MARF1: variants seen among roughly 807,000 people sequenced by gnomAD.
MARF1 encodes the protein meiosis regulator and mRNA stability factor 1.
A neutral mutation model predicts 168.2 loss-of-function variants in MARF1; 24 were observed. That is an observed-to-expected ratio of 0.14 (90% CI 0.10 to 0.20). MARF1 has a LOEUF of 0.20. MARF1 is among the 10% of genes least tolerant of loss of function. The probability of loss-of-function intolerance (pLI) is 1.00; values close to 1 mark genes in which losing one functional copy is unlikely to be tolerated. For missense variants in MARF1, 1,744 were observed against 2,143.6 expected (o/e 0.81, Z 3.68); for synonymous variants, 868 against 822.4 (o/e 1.06, Z -0.95).
In MARF1 at chr16:15,623,182, T is replaced by C. The variant is rs1266386095; in HGVS notation, c.2271-59A>G. The C allele has an allele frequency of 5.2e-6, 7 of 1,334,402 alleles. No individual in the cohort carries two copies. The African/African-American group carries it at 1.0e-4, about 20-fold the overall frequency. 82.7% of individuals were successfully genotyped at this position (1,334,402 alleles called of 1,614,324 possible). ...AAAACTGTTCTGTATATTTAGATTT[T>C]ATCATTTAGGCTTTGTTTGAAACTA... is the stretch of plus-strand genomic sequence containing the variant. On this transcript the variant is annotated intron_variant, in intron 10 of 26. Transcript: ENST00000396368.
Position 15,599,166 on chromosome 16 carries a change from A to AAC in MARF1, c.4814-143_4814-142insGT, listed in dbSNP as rs1163632693. The AAC allele has an allele frequency of 6.3e-6, 5 of 799,144 alleles. No individual in the cohort carries two copies. The African/African-American group carries it at 9.0e-5, about 14-fold the overall frequency. 49.5% of individuals were successfully genotyped at this position (799,144 alleles called of 1,614,324 possible). A position where few individuals can be genotyped will look rare whatever the true frequency, so the allele number is the denominator to read the frequency against. The stretch of plus-strand genomic sequence containing the variant: ...GTATTTAAGGTATTAAAAAAAAAAA[A>AAC]AAAAAAAAACAAAAACCCAAAACCC... On this transcript the variant is annotated intron_variant, in intron 25 of 26. Transcript: ENST00000396368.
At chr16:15,623,184 T>C (rs1296926904) in intron 10 of MARF1, 61 bp from the exon 11 acceptor site, 5 of 1,310,922 alleles carry the variant, frequency 3.8e-6, no homozygotes, top group Non-Finnish European at 5.1e-6. Context: ...TTAGATTTTA[T>C]CATTTAGGCT....
rs910971035 is a variant in MARF1 at position 15,604,318 on chromosome 16, T to C, written c.4263A>G (p.Val1421=). 29 of 1,613,934 alleles carry C rather than the reference T, an allele frequency of 1.8e-5. No individual in the cohort carries two copies. The highest frequency in any genetic ancestry group is 2.3e-5 in the Non-Finnish European group (27 of 1,179,972). The change falls in exon 22 of 27, where the codon GTA becomes GTG. Residue 1421 remains valine, a synonymous_variant. Transcript: ENST00000396368. ...SLRSLTAQLL[V]LLMSWEGTTH... ...TGGTTCCTTCCCAAGACATCAACAA[T>C]ACCAGCAACTGGGCAGTGAGAGATC...
chr16:15,602,020 C>A lies in MARF1; in HGVS notation c.4597G>T (p.Val1533Leu). The A allele has an allele frequency of 1.2e-6, 2 of 1,614,076 alleles. No homozygotes were observed. Among genetic ancestry groups the A allele is most frequent in the East Asian group, 4.5e-5 (2 of 44,882 alleles). ...LQPKTYGHSS[V>L]EELLGAIPQV... ...GGAATTGCTCCCAAGAGCTCCTCCA[C>A]GCTGCTGTGGCCGTAGGTCTTGGGC... Residue 1533 changes from valine to leucine, a missense_variant, in exon 23 of 27, where the codon GTG (valine) becomes TTG (leucine). This residue lies in a region of MARF1 where 313 missense variants were observed against 337.4 expected (regional missense o/e 0.93). Coordinates refer to ENST00000396368, the MANE Select transcript of MARF1 (RefSeq NM_014647.4).
chr16:15,616,092 T>A, intron 15 of MARF1, 87 bp from the exon 16 acceptor site: 1 of 1,123,800 alleles, frequency 8.9e-7, no homozygotes, highest in Non-Finnish European at 1.2e-6. Flanking sequence ...GGCTTTGGTT[T>A]AATGTATGTG....
At chr16:15,614,033 TCAGA>T (rs1458383158) in intron 16 of MARF1, among the ~76,000 whole-genome samples, 1 of 152,180 alleles carries the variant, frequency 6.6e-6, no homozygotes, top group Non-Finnish European at 1.5e-5. Context: ...TGCCCGTAAC[TCAGA>T]CACTCACCCA....
At chr16:15,635,491 CTTTG>C (rs754421591) in intron 3 of MARF1, 161 bp downstream of exon 3, 11 of 626,604 alleles carry the variant, frequency 1.8e-5, no homozygotes, top group East Asian at 2.8e-5. Context: ...CCATCTTACC[CTTTG>C]TTTCTTTCAG....
At chr16:15,613,448 G>C (rs2033751828) in intron 16 of MARF1, among the ~76,000 whole-genome samples, 1 of 151,838 alleles carries the variant, frequency 6.6e-6, no homozygotes, top group South Asian at 2.1e-4. Context: ...AGGAGATCGA[G>C]ACCATCCTGG....
intron 16 of MARF1, among the ~76,000 whole-genome samples, chr16:15,615,247 G>A (rs758859345): frequency 3.3e-5 from 5 of 152,124 alleles, no homozygotes; most frequent in Non-Finnish European, 5.9e-5. Context: ...TGTAATCCCA[G>A]CATTTTGGGA....
At chr16:15,629,364 A>G (rs1476649497) in intron 7 of MARF1, among the ~76,000 whole-genome samples, 1 of 152,156 alleles carries the variant, frequency 6.6e-6, no homozygotes, top group African/African-American at 2.4e-5. Flanking sequence ...CTTAAGCCAG[A>G]CCGCAGGGGG....
intron 14 of MARF1, 60 bp from the exon 15 acceptor site, chr16:15,617,231 A>G: frequency 6.2e-7 from 1 of 1,610,432 alleles, no homozygotes; most frequent in Non-Finnish European, 8.5e-7. Context: ...GATGTTCACA[A>G]GGTCATCCTA....
At chr16:15,633,376 G>T (rs913542518) in intron 5 of MARF1, among the ~76,000 whole-genome samples, 1 of 151,848 alleles carries the variant, frequency 6.6e-6, no homozygotes, top group African/African-American at 2.4e-5. Context: ...GGGAGACCTC[G>T]TCTCTACAAA....
intron 21 of MARF1, 29 bp downstream of exon 21, chr16:15,608,262 A>G (rs749202556): frequency 4.9e-5 from 27 of 547,116 alleles, no homozygotes; most frequent in East Asian, 2.3e-4. Flanking sequence ...CCATGAGGGA[A>G]AAAAAAAAAA....
intron 7 of MARF1, 113 bp downstream of exon 7, chr16:15,630,219 C>T (rs1185791090): frequency 1.2e-6 from 1 of 865,932 alleles, no homozygotes; most frequent in East Asian, 2.7e-5. Context: ...ATCTAACCCA[C>T]CTCTTACAAA....
chr16:15,621,971 A>T, intron 11 of MARF1, 60 bp from the exon 12 acceptor site: 4 of 1,505,320 alleles, frequency 2.7e-6, no homozygotes, highest in Non-Finnish European at 2.7e-6. Flanking sequence ...TCGTCTTAAA[A>T]CTGAAGGTGA....
In MARF1 at chr16:15,625,047, C is replaced by A. The variant is rs755797272; in HGVS notation, c.2080G>T (p.Val694Leu). The A allele has an allele frequency of 6.2e-7, 1 of 1,614,192 alleles. No individual in the cohort carries two copies. The highest frequency in any genetic ancestry group is 1.7e-5 in the Admixed American group (1 of 60,018). ...AAVSTPKNSG[V>L]AEPVYKTSQK... ...CTGGTTTTGTAAACGGGTTCTGCCA[C>A]CCCCGAGTTTTTCGGCGTCGACACT... The change falls in exon 9 of 27, where the codon GTG becomes TTG. Residue 694 changes from valine to leucine, a missense_variant. Physicochemically the swap from Val to Leu is conservative, Grantham distance 32. Transcript: ENST00000396368.
chr16:15,599,844 G>A (rs1256357404), intron 25 of MARF1, among the ~76,000 whole-genome samples: 3 of 152,202 alleles, frequency 2.0e-5, no homozygotes, highest in Non-Finnish European at 4.4e-5. Context: ...GGCACCCTGA[G>A]CCCTCTTCCG....
chr16:15,616,557 G>A (rs1255961622), intron 15 of MARF1, among the ~76,000 whole-genome samples: 6 of 152,176 alleles, frequency 3.9e-5, no homozygotes, highest in Non-Finnish European at 8.8e-5. Flanking sequence ...TTGAAGTACT[G>A]AGTGAATGGA....
At position 15,607,028 on chromosome 16, in the gene MARF1, C is replaced by T. The variant is rs559944298; in HGVS notation, c.4182+1263G>A. Among the ~76,000 whole-genome samples the T allele has an allele frequency of 2.2e-3, 332 of 152,308 alleles. 4 individuals carry two copies. Among genetic ancestry groups the T allele is most frequent in the African/African-American group, 7.6e-3 (316 of 41,574 alleles). On this transcript the variant is annotated intron_variant, in intron 21 of 26. Transcript: ENST00000396368. Reference sequence around the variant, plus strand: ...CCACTGACCTGGCCAGCAGCACCGACTCTTCCCACTGAGCTAAACCTGGAA... The same window carrying T: ...CCACTGACCTGGCCAGCAGCACCGATTCTTCCCACTGAGCTAAACCTGGAA...
Sources: allele counts gnomAD v4.1 joint callset (sites outside exome capture counted in the v4.1 genomes callset), GRCh38; gene constraint gnomAD v4.1.1; regional missense constraint gnomAD v4.1.1; transcripts MANE v1.5; gene names NCBI Gene and HGNC (gene_info 2026-07-23, HGNC 2026-07-21).